RFX3: variants seen among roughly 807,000 people sequenced by gnomAD.
RFX3 encodes the protein regulatory factor X3.
In RFX3, 14 loss-of-function variants were observed where a neutral mutation model predicts 98.6. That is an observed-to-expected ratio of 0.14 (90% CI 0.09 to 0.22). The LOEUF (loss-of-function observed/expected upper bound fraction) is 0.22. RFX3 is among the 10% of genes least tolerant of loss of function. The pLI is 1.00. For missense variants in RFX3, 639 were observed against 926.9 expected (o/e 0.69, Z 4.03); for synonymous variants, 383 against 328.4 (o/e 1.17, Z -1.80).
chr9:3,337,030 T>C (rs1262615216), intron 3 of RFX3, among the ~76,000 whole-genome samples: 1 of 152,170 alleles, frequency 6.6e-6, no homozygotes, highest in Admixed American at 6.5e-5. Flanking sequence ...TACAGACTAT[T>C]GTAAGAAGTT....
intron 1 of RFX3, among the ~76,000 whole-genome samples, chr9:3,520,742 C>A (rs186689572): frequency 8.3e-4 from 127 of 152,318 alleles, no homozygotes; most frequent in African/African-American, 2.8e-3. Context: ...GTGGCATGAT[C>A]ATAGCCCACT....
chr9:3,457,272 G>T (rs910150300), intron 1 of RFX3, among the ~76,000 whole-genome samples: 1 of 149,636 alleles, frequency 6.7e-6, no homozygotes, highest in Non-Finnish European at 1.5e-5. Context: ...GTATCTGCAT[G>T]ATCTTTAGTT....
intron 15 of RFX3, among the ~76,000 whole-genome samples, chr9:3,239,001 A>G (rs1586691772): frequency 7.2e-6 from 1 of 139,406 alleles, no homozygotes; most frequent in African/African-American, 2.8e-5. Flanking sequence ...CATCTCAAAG[A>G]AAAAAAAAAA....
chr9:3,497,491 G>C (rs1176778826), intron 1 of RFX3, among the ~76,000 whole-genome samples: 1 of 151,958 alleles, frequency 6.6e-6, no homozygotes, highest in Non-Finnish European at 1.5e-5. Context: ...TTGAACTGGA[G>C]CTGTAACTCA....
chr9:3,275,662 T>C (rs2131397717), intron 8 of RFX3, 50 bp from the exon 9 acceptor site: 1 of 1,132,040 alleles, frequency 8.8e-7, no homozygotes. Context: ...ATGGTGCCAA[T>C]TACAGATTAA....
intron 2 of RFX3, among the ~76,000 whole-genome samples, chr9:3,380,133 G>A (rs1322381784): frequency 6.6e-6 from 1 of 151,962 alleles, no homozygotes; most frequent in Admixed American, 6.6e-5. Flanking sequence ...CACCATGTTG[G>A]TCAGGCTGGT....
At chr9:3,235,503 CA>C (rs893323651) in intron 15 of RFX3, among the ~76,000 whole-genome samples, 2 of 152,180 alleles carry the variant, frequency 1.3e-5, no homozygotes, top group African/African-American at 4.8e-5. Flanking sequence ...AAAAACAAGA[CA>C]AACTTATTAT....
chr9:3,277,740 G>T (rs1294597514), intron 7 of RFX3, among the ~76,000 whole-genome samples: 1 of 151,996 alleles, frequency 6.6e-6, no homozygotes, highest in Non-Finnish European at 1.5e-5. Flanking sequence ...TCTTTGGACA[G>T]CAGGAGCAAA....
At chr9:3,229,789 T>C (rs1036771528) in intron 15 of RFX3, among the ~76,000 whole-genome samples, 2 of 152,220 alleles carry the variant, frequency 1.3e-5, no homozygotes, top group Non-Finnish European at 2.9e-5. Context: ...GCAGAAATTC[T>C]ACTTACATTC....
At position 3,220,641 on chromosome 9, in the gene RFX3, C is replaced by A. The variant is rs970702642; in HGVS notation, c.*4401G>T. The A allele has an allele frequency of 1.3e-5, 2 of 151,258 alleles. No individual in the cohort carries two copies. Among genetic ancestry groups the A allele is most frequent in the Admixed American group, 1.3e-4 (2 of 15,120 alleles). The allele number at this position is 151,258 out of a possible 1,614,324, so 9.4% of individuals were successfully genotyped here. Reference sequence around the variant, plus strand: ...TGGAAACACTTTCTCTTCCTACCCCCCCCTTTAAAAAAACAGCATAATTAG... The same window carrying A: ...TGGAAACACTTTCTCTTCCTACCCCACCCTTTAAAAAAACAGCATAATTAG... On this transcript the variant is annotated 3_prime_UTR_variant, in exon 17 of 17. Coordinates refer to ENST00000617270, the MANE Select transcript of RFX3 (RefSeq NM_001282116.2).
At chr9:3,498,584 C>CT (rs1366810065) in intron 1 of RFX3, among the ~76,000 whole-genome samples, 2 of 151,894 alleles carry the variant, frequency 1.3e-5, no homozygotes, top group Non-Finnish European at 2.9e-5. Flanking sequence ...ACGTGATATC[C>CT]TTTTTTTGTT....
intron 15 of RFX3, among the ~76,000 whole-genome samples, chr9:3,235,795 CTCTT>C (rs1819068399): frequency 6.6e-6 from 1 of 152,198 alleles, no homozygotes; most frequent in East Asian, 1.9e-4. Context: ...AATGTAGTTA[CTCTT>C]GTAACTACAT....
At chr9:3,376,874 C>G (rs1031417322) in intron 2 of RFX3, among the ~76,000 whole-genome samples, 4 of 152,250 alleles carry the variant, frequency 2.6e-5, no homozygotes, top group South Asian at 4.2e-4. Context: ...CAGAGAAATG[C>G]AAATCAAAAC....
chr9:3,517,833 G>T (rs1037022164), intron 1 of RFX3, among the ~76,000 whole-genome samples: 2 of 152,180 alleles, frequency 1.3e-5, no homozygotes, highest in African/African-American at 4.8e-5. Flanking sequence ...AGTAGAAATT[G>T]TAAGATAATA....
At chr9:3,327,344 T>C (rs1832034794) in intron 4 of RFX3, among the ~76,000 whole-genome samples, 1 of 152,176 alleles carries the variant, frequency 6.6e-6, no homozygotes. Flanking sequence ...CAGTAACAGA[T>C]GTGAAACTGT....
intron 1 of RFX3, among the ~76,000 whole-genome samples, chr9:3,466,904 T>G (rs12554323): frequency 0.2 from 30,176 of 150,906 alleles, 5,136 homozygotes; most frequent in African/African-American, 0.47. Context: ...TGTCTAGACT[T>G]AAAGCTTAGA....
intron 4 of RFX3, among the ~76,000 whole-genome samples, chr9:3,305,684 A>G (rs958118526): frequency 1.3e-5 from 2 of 152,054 alleles, no homozygotes; most frequent in African/African-American, 4.8e-5. Flanking sequence ...TGGGTTTATC[A>G]TAGTTTCAAG....
At chr9:3,320,542 A>T (rs1451787496) in intron 4 of RFX3, among the ~76,000 whole-genome samples, 2 of 148,710 alleles carry the variant, frequency 1.3e-5, no homozygotes, top group Non-Finnish European at 1.5e-5. Flanking sequence ...ACACAGCAAG[A>T]CTGTCCCACC....
At chr9:3,445,657 T>C (rs899392545) in intron 1 of RFX3, among the ~76,000 whole-genome samples, 3 of 152,182 alleles carry the variant, frequency 2.0e-5, no homozygotes, top group African/African-American at 4.8e-5. Flanking sequence ...TCTCATGTTA[T>C]GCATCCAGTT....
Sources: allele counts gnomAD v4.1 joint callset (sites outside exome capture counted in the v4.1 genomes callset), GRCh38; gene constraint gnomAD v4.1.1; transcripts MANE v1.5; gene names NCBI Gene and HGNC (gene_info 2026-07-23, HGNC 2026-07-21).